The following PCYOX1 variants were observed in gnomAD, a reference collection of about 807,000 sequenced individuals.
PCYOX1 encodes prenylcysteine lyase.
In PCYOX1, 46 loss-of-function variants were observed where a neutral mutation model predicts 46.4. That is an observed-to-expected ratio of 0.99 (90% confidence interval 0.78 to 1.27). The LOEUF (loss-of-function observed/expected upper bound fraction) is 1.27, where lower values mean the gene tolerates loss of function less well. Ranked by LOEUF, PCYOX1 falls within the 50% of genes most tolerant of loss-of-function variation. PCYOX1 has a pLI of 0.00. For synonymous variants in PCYOX1, 220 were observed against 231.8 expected, an observed-to-expected ratio of 0.95 and a Z score of 0.46; for missense variants, 658 against 628.3, an observed-to-expected ratio of 1.05 and a Z score of -0.51.
chr2:70,268,831 A>G (rs2104895090), intron 3 of PCYOX1, among the ~76,000 whole-genome samples: 1 of 152,038 alleles, frequency 6.6e-6, no homozygotes, highest in African/African-American at 2.4e-5. Flanking sequence ...AGAAACACAC[A>G]AAGACCATGT....
At position 70,259,695 on chromosome 2, in the gene PCYOX1, C is replaced by T. The variant is rs1258657866; in HGVS notation, c.319+129C>T. 2.0e-5 allele frequency: 14 copies of T among 697,158 alleles called. No homozygotes were observed. In the Admixed American group the frequency reaches 3.4e-4, roughly 17 times the overall value. The allele number at this position is 697,158 out of a possible 1,614,324, so 43.2% of individuals were successfully genotyped here. ...GAGACGTTGGTAAAACTGTTTTCCT[C>T]ACTTTCTTGTTAGTTGGTACTGCCT... On this transcript the variant is annotated intron_variant, in intron 2 of 5. Transcript: ENST00000433351.
At chr2:70,269,396 C>T (rs541940814) in intron 3 of PCYOX1, among the ~76,000 whole-genome samples, 6 of 148,244 alleles carry the variant, frequency 4.0e-5, no homozygotes, top group Admixed American at 2.0e-4. Flanking sequence ...AGTTCAGTGG[C>T]GCTATCTCGG....
At chr2:70,259,094 A>G (rs1394084034) in intron 1 of PCYOX1, among the ~76,000 whole-genome samples, 1 of 152,226 alleles carries the variant, frequency 6.6e-6, no homozygotes, top group Non-Finnish European at 1.5e-5. Context: ...TGGTTCCTCC[A>G]TAAAGACCTG....
chr2:70,259,428 G>A lies in PCYOX1; in HGVS notation c.181G>A (p.Val61Met). Residue 61 changes from valine to methionine, a missense_variant, in exon 2 of 6, where the codon GTG (valine) becomes ATG (methionine). Physicochemically the swap from Val to Met is conservative, Grantham distance 21. Coordinates refer to ENST00000433351, the MANE Select transcript of PCYOX1 (RefSeq NM_016297.4). ...CCTGCGGCAGAAATTTGGGAAAGATGTGAAGATAGACCTGTTTGAAAGAGA... is the reference window on the plus strand; with the variant it reads ...CCTGCGGCAGAAATTTGGGAAAGATATGAAGATAGACCTGTTTGAAAGAGA... ...YYLRQKFGKD[V>M]KIDLFEREEV... 2 of 1,614,184 alleles carry A rather than the reference G, an allele frequency of 1.2e-6. No individual in the cohort carries two copies. Among genetic ancestry groups the A allele is most frequent in the Non-Finnish European group, 1.7e-6 (2 of 1,180,028 alleles).
chr2:70,266,010 C>T (rs1184049168), intron 3 of PCYOX1, among the ~76,000 whole-genome samples: 4 of 152,124 alleles, frequency 2.6e-5, no homozygotes, highest in Non-Finnish European at 5.9e-5. Flanking sequence ...TCCAAGTCAC[C>T]ACCACTGTCT....
intron 3 of PCYOX1, among the ~76,000 whole-genome samples, chr2:70,269,557 G>A (rs1696573536): frequency 6.6e-6 from 1 of 152,044 alleles, no homozygotes; most frequent in African/African-American, 2.4e-5. Flanking sequence ...GGCTGGTCTC[G>A]AACTCCTAAC....
rs750885152 is a variant in PCYOX1, at chr2:70,259,555, T to A, written c.308T>A (p.Val103Asp). 4 of 1,613,146 alleles carry A rather than the reference T, an allele frequency of 2.5e-6. No individual in the cohort carries two copies. In the East Asian group the frequency reaches 8.9e-5, roughly 36 times the overall value. Residue 103 changes from valine to aspartate, a missense_variant, in exon 2 of 6, where the codon GTC becomes GAC. Coordinates refer to ENST00000433351, the MANE Select transcript of PCYOX1 (RefSeq NM_016297.4). ...HPLNLHMKRF[V>D]KDLGLSAVQA... ...TTAAATCTGCACATGAAACGTTTTG[T>A]CAAAGACCTGGGTATGTAATTTTGG... is the stretch of plus-strand genomic sequence containing the variant.
intron 3 of PCYOX1, among the ~76,000 whole-genome samples, chr2:70,270,593 C>A (rs182323395): frequency 6.6e-6 from 1 of 152,186 alleles, no homozygotes; most frequent in Non-Finnish European, 1.5e-5. Context: ...TTACCTCTAC[C>A]GGAAATATTT....
chr2:70,271,740 T>C (rs1040156962), intron 3 of PCYOX1, among the ~76,000 whole-genome samples: 8 of 152,150 alleles, frequency 5.3e-5, no homozygotes, highest in Admixed American at 5.2e-4. Context: ...ATCTAAAAAA[T>C]TTCTAAATTT....
At position 70,277,324 on chromosome 2, in the gene PCYOX1, C is replaced by A. The variant is rs752199462; in HGVS notation, c.1450C>A (p.Arg484Ser). ...AHNAALLAYHRWNGHTDMIDQ... is the reference protein window; with the variant it reads ...AHNAALLAYHSWNGHTDMIDQ... Reference sequence around the variant, plus strand: ...CAACGCTGCACTCCTTGCCTATCACCGCTGGAACGGGCACACAGACATGAT... The same window carrying A: ...CAACGCTGCACTCCTTGCCTATCACAGCTGGAACGGGCACACAGACATGAT... Residue 484 changes from arginine to serine, a missense_variant, in exon 6 of 6, where the codon CGC becomes AGC. Physicochemically the swap from Arg to Ser is moderately radical, Grantham distance 110. Transcript: ENST00000433351. The A allele has an allele frequency of 1.2e-6, 2 of 1,613,842 alleles. No individual in the cohort carries two copies. Among genetic ancestry groups the A allele is most frequent in the Non-Finnish European group, 1.7e-6 (2 of 1,179,914 alleles).
In PCYOX1 at chr2:70,277,896, T is replaced by TA. The variant is rs762331676; in HGVS notation, c.*507dup. 5 of 152,734 alleles carry TA rather than the reference T, an allele frequency of 3.3e-5. No individual in the cohort carries two copies. The highest frequency in any genetic ancestry group is 1.2e-4 in the African/African-American group (5 of 41,464). The allele number at this position is 152,734 out of a possible 1,614,324, so 9.5% of individuals were successfully genotyped here. ...TAAGGTGAGTACCTGAGGGAGAACT[T>TA]AAAGACATCTTAGTTGGGGAGTAGT... On this transcript the variant is annotated 3_prime_UTR_variant, in exon 6 of 6. Coordinates refer to ENST00000433351, the MANE Select transcript of PCYOX1 (RefSeq NM_016297.4).
intron 4 of PCYOX1, 42 bp from the exon 5 acceptor site, chr2:70,275,472 C>G (rs888176676): frequency 7.5e-6 from 12 of 1,600,976 alleles, no homozygotes; most frequent in Non-Finnish European, 9.4e-6. Flanking sequence ...GAGCCTCTTA[C>G]AAAAAGTCAG....
chr2:70,267,922 T>G (rs1032355679), intron 3 of PCYOX1, among the ~76,000 whole-genome samples: 1 of 152,108 alleles, frequency 6.6e-6, no homozygotes, highest in African/African-American at 2.4e-5. Flanking sequence ...AGCAGTTCTC[T>G]GCCTCAGCCT....
In PCYOX1 at chr2:70,259,582, C is replaced by T. The variant is rs1277662417; in HGVS notation, c.319+16C>T. 1 of 1,575,930 alleles carries T rather than the reference C, an allele frequency of 6.3e-7. No individual in the cohort carries two copies. Among genetic ancestry groups the T allele is most frequent in the African/African-American group, 1.3e-5 (1 of 74,214 alleles). On this transcript the variant is annotated intron_variant, in intron 2 of 5. Transcript: ENST00000433351. ...AAAGACCTGGGTATGTAATTTTGGT[C>T]TTGGAGCTCACCAGATTACTGTGTG...
chr2:70,260,684 C>T (rs1288323191), intron 2 of PCYOX1, among the ~76,000 whole-genome samples: 1 of 152,180 alleles, frequency 6.6e-6, no homozygotes, highest in Non-Finnish European at 1.5e-5. Context: ...CTCTGGAGGC[C>T]CTTTCGGCAG....
chr2:70,280,587 C>T lies in PCYOX1; in HGVS notation c.*3195C>T, dbSNP rs1370581424. On this transcript the variant is annotated 3_prime_UTR_variant, in exon 6 of 6. Coordinates refer to ENST00000433351, the MANE Select transcript of PCYOX1 (RefSeq NM_016297.4). ...TGCTGCTGTTCTACTATAGGAACCA[C>T]ACTTGAAGAACTAGTTCTACAATTC... 2.0e-5 allele frequency: 3 copies of T among 152,180 alleles called. No homozygotes were observed. In the South Asian group the frequency reaches 6.2e-4, roughly 31 times the overall value. 9.4% of individuals were successfully genotyped at this position (152,180 alleles called of 1,614,324 possible).
In PCYOX1 at chr2:70,280,189, C is replaced by T. The variant is rs1308735709; in HGVS notation, c.*2797C>T. 1 of 152,158 alleles carries T rather than the reference C, an allele frequency of 6.6e-6. No individual in the cohort carries two copies. Among genetic ancestry groups the T allele is most frequent in the African/African-American group, 2.4e-5 (1 of 41,430 alleles). 9.4% of individuals were successfully genotyped at this position (152,158 alleles called of 1,614,324 possible). A position where few individuals can be genotyped will look rare whatever the true frequency, so the allele number is the denominator to read the frequency against. On this transcript the variant is annotated 3_prime_UTR_variant, in exon 6 of 6. Coordinates refer to ENST00000433351, the MANE Select transcript of PCYOX1 (RefSeq NM_016297.4). ...CTTTGGCAAAAGCAAAACAGGTTAT[C>T]AATACACCAAGGACATCAAGTAGTT...
rs1485938877 is a variant in PCYOX1 at position 70,258,288 on chromosome 2, G to GGGGGCGGCGCGGGAAGGTGCT, written c.112+15_112+35dup. On this transcript the variant is annotated intron_variant, in intron 1 of 5. Transcript: ENST00000433351. ...GCCAGATAAAATCGGTAGGCGAGAA[G>GGGGGCGGCGCGGGAAGGTGCT]GGGGCGGCGCGGGAAGGTGCTGGAG... is the stretch of plus-strand genomic sequence containing the variant. 11 of 1,558,256 alleles carry GGGGGCGGCGCGGGAAGGTGCT rather than the reference G, an allele frequency of 7.1e-6. No homozygotes were observed. The highest frequency in any genetic ancestry group is 8.7e-6 in the Non-Finnish European group (10 of 1,155,712).
chr2:70,264,910 G>A (rs1173345035), intron 3 of PCYOX1, among the ~76,000 whole-genome samples: 1 of 151,934 alleles, frequency 6.6e-6, no homozygotes, highest in East Asian at 2.0e-4. Context: ...TTGGGAGGCT[G>A]AGGCAGTAGA....
Sources: gnomAD v4.1 joint callset for allele counts (sites outside exome capture counted in the v4.1 genomes callset) on GRCh38, gnomAD v4.1.1 for gene constraint, MANE v1.5 for transcripts, NCBI Gene and HGNC (gene_info 2026-07-23, HGNC 2026-07-21) for gene names.